Variants in TBC1D19 observed in about 807,000 individuals in gnomAD.
TBC1D19 encodes the protein TBC1 domain family member 19, also known as TBC1 domain family, member 19.
In TBC1D19, 60 loss-of-function variants were observed where a neutral mutation model predicts 89.0. The ratio of observed to expected loss-of-function variants is 0.67; its 90% CI spans 0.55 to 0.84. The LOEUF (loss-of-function observed/expected upper bound fraction) is 0.84, where lower values mean the gene tolerates loss of function less well. TBC1D19 is among the 40% of genes least tolerant of loss of function. The pLI is 0.00. For synonymous variants in TBC1D19, 189 were observed against 199.7 expected, an observed-to-expected ratio of 0.95 and a Z score of 0.45; for missense variants, 500 against 610.8, an observed-to-expected ratio of 0.82 and a Z score of 1.91.
chr4:26,765,775 A>G, the TBC1D19 span, among the ~76,000 whole-genome samples: 1 of 151,314 alleles, frequency 6.6e-6, no homozygotes, highest in Non-Finnish European at 1.5e-5. Context: ...TAGTTTGGTG[A>G]CTCACCTATT....
At chr4:26,830,591 C>T in the TBC1D19 span, among the ~76,000 whole-genome samples, 2 of 152,162 alleles carry the variant, frequency 1.3e-5, no homozygotes, top group Non-Finnish European at 2.9e-5. Flanking sequence ...CTCCTAACCA[C>T]CAGATTGAAG....
chr4:26,593,192 A>C (rs1005457045), intron 1 of TBC1D19, among the ~76,000 whole-genome samples: 5 of 152,214 alleles, frequency 3.3e-5, no homozygotes, highest in Non-Finnish European at 7.3e-5. Context: ...CCACATATCT[A>C]CAACTATCTG....
intron 4 of TBC1D19, among the ~76,000 whole-genome samples, chr4:26,623,556 T>G (rs1006728193): frequency 6.6e-5 from 10 of 152,194 alleles, no homozygotes; most frequent in African/African-American, 2.4e-4. Flanking sequence ...CATCTCTTTT[T>G]GCTCCAATCC....
chr4:26,839,575 C>CA, the TBC1D19 span, among the ~76,000 whole-genome samples: 7 of 151,266 alleles, frequency 4.6e-5, no homozygotes, highest in Non-Finnish European at 8.8e-5. Flanking sequence ...TTCCATCACC[C>CA]CCCCGCCCTT....
At chr4:26,745,821 C>A (rs527669415) in intron 18 of TBC1D19, among the ~76,000 whole-genome samples, 1 of 151,864 alleles carries the variant, frequency 6.6e-6, no homozygotes, top group Non-Finnish European at 1.5e-5. Context: ...CAATATACTT[C>A]TTTAATTAAT....
At chr4:26,765,452 G>C in the TBC1D19 span, among the ~76,000 whole-genome samples, 1 of 151,702 alleles carries the variant, frequency 6.6e-6, no homozygotes, top group Admixed American at 6.6e-5. Context: ...AAGAGGTAGG[G>C]GGGGATGGTT....
chr4:26,637,273 A>G lies in TBC1D19; in HGVS notation c.357A>G (p.Pro119=). Residue 119 remains proline, a synonymous_variant, in exon 5 of 21, where the codon CCA becomes CCG. Transcript: ENST00000264866. The part of the protein sequence containing the change: ...LNSMCTELSI[P]LARKRPVGEQ... ...GTATGTGCACTGAACTGAGTATCCC[A>G]CTGGCACGAAAGGTACTTTTAAACA... is the stretch of plus-strand genomic sequence containing the variant. The G allele has an allele frequency of 6.2e-7, 1 of 1,609,282 alleles. No homozygotes were observed. Among genetic ancestry groups the G allele is most frequent in the Non-Finnish European group, 8.5e-7 (1 of 1,177,738 alleles).
chr4:26,680,009 C>T (rs747335358), intron 11 of TBC1D19, among the ~76,000 whole-genome samples: 1 of 152,120 alleles, frequency 6.6e-6, no homozygotes, highest in Non-Finnish European at 1.5e-5. Flanking sequence ...GTGGTTTCCT[C>T]CATTTTGTTC....
intron 1 of TBC1D19, among the ~76,000 whole-genome samples, chr4:26,612,313 C>T (rs1195229613): frequency 1.3e-5 from 2 of 151,362 alleles, no homozygotes; most frequent in Non-Finnish European, 2.9e-5. Context: ...GATTGAATCA[C>T]GGAAGAGTTA....
chr4:26,800,459 T>A, the TBC1D19 span, among the ~76,000 whole-genome samples: 1 of 152,238 alleles, frequency 6.6e-6, no homozygotes, highest in Non-Finnish European at 1.5e-5. Flanking sequence ...AGTGCCGCAA[T>A]AAACATACGT....
the TBC1D19 span, among the ~76,000 whole-genome samples, chr4:26,851,312 T>TCTATCTATCTATCTGC: frequency 9.9e-6 from 1 of 101,186 alleles, no homozygotes; most frequent in African/African-American, 3.4e-5. Context: ...ACCCTATCTA[T>TCTATCTATCTATCTGC]CTATCTATCT....
chr4:26,682,630 TGA>T (rs1713453121), intron 11 of TBC1D19, among the ~76,000 whole-genome samples: 1 of 152,168 alleles, frequency 6.6e-6, no homozygotes, highest in African/African-American at 2.4e-5. Flanking sequence ...CTAAAGTGCC[TGA>T]GAGGTGAAAG....
At chr4:26,696,795 G>A (rs1443456358) in intron 13 of TBC1D19, among the ~76,000 whole-genome samples, 1 of 152,122 alleles carries the variant, frequency 6.6e-6, no homozygotes. Flanking sequence ...AAATAAAGAT[G>A]TTCTTTGAAA....
chr4:26,764,848 G>A, the TBC1D19 span, among the ~76,000 whole-genome samples: 25 of 152,280 alleles, frequency 1.6e-4, no homozygotes, highest in East Asian at 4.1e-3. Flanking sequence ...GGCACATAAC[G>A]TGGAAGGTTA....
intron 7 of TBC1D19, among the ~76,000 whole-genome samples, chr4:26,645,030 C>T (rs1743818767): frequency 6.6e-6 from 1 of 151,714 alleles, no homozygotes; most frequent in Non-Finnish European, 1.5e-5. Flanking sequence ...GAAGAACATT[C>T]CATGCTCATG....
the TBC1D19 span, among the ~76,000 whole-genome samples, chr4:26,810,721 T>G: frequency 2.6e-5 from 4 of 152,098 alleles, no homozygotes; most frequent in Admixed American, 6.5e-5. Context: ...ACACACCAAG[T>G]CTGGGTCGCA....
intron 18 of TBC1D19, among the ~76,000 whole-genome samples, 197 bp downstream of exon 18, chr4:26,742,796 A>G (rs1021876437): frequency 6.6e-6 from 1 of 152,154 alleles, no homozygotes; most frequent in African/African-American, 2.4e-5. Flanking sequence ...CAAAATCCTA[A>G]TAAAGTCTTA....
intron 4 of TBC1D19, among the ~76,000 whole-genome samples, chr4:26,631,272 G>GT (rs771166632): frequency 2.6e-5 from 4 of 152,070 alleles, no homozygotes; most frequent in East Asian, 1.9e-4. Flanking sequence ...ATTCTTTCAT[G>GT]TTTTTTCTGT....
At chr4:26,808,904 A>G in the TBC1D19 span, among the ~76,000 whole-genome samples, 3 of 152,154 alleles carry the variant, frequency 2.0e-5, no homozygotes, top group Non-Finnish European at 4.4e-5. Flanking sequence ...TCTTGGGAAG[A>G]CATGATGTAA....
Sources: allele counts gnomAD v4.1 joint callset (sites outside exome capture counted in the v4.1 genomes callset), GRCh38; gene constraint gnomAD v4.1.1; transcripts MANE v1.5; gene names NCBI Gene and HGNC (gene_info 2026-07-23, HGNC 2026-07-21).